PDE1B: variants seen among roughly 807,000 people sequenced by gnomAD.
PDE1B encodes phosphodiesterase 1B, also known as dual specificity calcium/calmodulin-dependent 3',5'-cyclic nucleotide phosphodiesterase 1B.
PDE1B carries 13 observed loss-of-function variants against 66.7 expected under a neutral mutation model. The observed-to-expected ratio is 0.19, with a 90% confidence interval of 0.13 to 0.31. PDE1B has a LOEUF of 0.31. Ranked by LOEUF, PDE1B falls within the 10% of genes least tolerant of loss-of-function variation. PDE1B has a pLI of 1.00. For synonymous variants in PDE1B, 230 were observed against 253.9 expected (o/e 0.91, Z 0.90); for missense variants, 485 against 682.3 (o/e 0.71, Z 3.22).
chr12:54,553,132 T>A (rs1384398260), intron 2 of PDE1B, among the ~76,000 whole-genome samples: 2 of 151,594 alleles, frequency 1.3e-5, no homozygotes, highest in African/African-American at 4.9e-5. Context: ...TCAAGTGGTG[T>A]AGAGAGGCAG....
intron 15 of PDE1B, 200 bp from the exon 16 acceptor site, chr12:54,577,660 G>A: frequency 9.2e-7 from 1 of 1,089,582 alleles, no homozygotes; most frequent in Non-Finnish European, 1.3e-6. Context: ...AGCCCAGCCA[G>A]GGCACACAGC....
In PDE1B at chr12:54,569,771, C is replaced by T. The variant is rs536803262; in HGVS notation, c.477+159C>T. Among the ~76,000 whole-genome samples the T allele has an allele frequency of 2.0e-4, 30 of 151,286 alleles. No homozygotes were observed. The highest frequency in any genetic ancestry group is 5.9e-4 in the East Asian group (3 of 5,112). The stretch of plus-strand genomic sequence containing the variant: ...AGGCTGGAGTGCAGTGGCGTGATCT[C>T]GTCTCACTGCAACCTCTGCCTCCCT... On this transcript the variant is annotated intron_variant, in intron 5 of 15. Coordinates refer to ENST00000243052, the MANE Select transcript of PDE1B (RefSeq NM_000924.4). The surrounding 1 kb of genome is among the most constrained non-coding windows in gnomAD (Gnocchi z 4.4).
rs1957721966 is a variant in PDE1B, at chr12:54,575,511, G to A, written c.1186-40G>A. On this transcript the variant is annotated intron_variant, in intron 11 of 15. Coordinates refer to ENST00000243052, the MANE Select transcript of PDE1B (RefSeq NM_000924.4). The surrounding 1 kb of genome is among the most constrained non-coding windows in gnomAD (Gnocchi z 4.0). ...TGTACCCCAGATCTGGTAGGTCTGA[G>A]GTATCCTCTCCAGCTTTCCTACCCT... 1.4e-6 allele frequency: 2 copies of A among 1,439,876 alleles called. No homozygotes were observed. Among genetic ancestry groups the A allele is most frequent in the African/African-American group, 2.8e-5 (2 of 71,460 alleles). The allele number at this position is 1,439,876 out of a possible 1,614,324, so 89.2% of individuals were successfully genotyped here.
chr12:54,563,568 A>T (rs1957459600), intron 2 of PDE1B, among the ~76,000 whole-genome samples: 5 of 152,184 alleles, frequency 3.3e-5, no homozygotes, highest in Admixed American at 3.3e-4. Context: ...CTCCATCTGG[A>T]CTTGGGAGAG....
rs1957581360 is a variant in PDE1B at position 54,569,635 on chromosome 12, A to G, written c.477+23A>G. 7.0e-6 allele frequency: 11 copies of G among 1,564,980 alleles called. No individual in the cohort carries two copies. The highest frequency in any genetic ancestry group is 9.7e-6 in the Non-Finnish European group (11 of 1,135,386). The stretch of plus-strand genomic sequence containing the variant: ...AAGGTAATCTCTGGGTTTTTGGGAA[A>G]GAGGAGAAAGTTAGGGGATGGAATA... On this transcript the variant is annotated intron_variant, in intron 5 of 15. Coordinates refer to ENST00000243052, the MANE Select transcript of PDE1B (RefSeq NM_000924.4). The surrounding 1 kb of genome is among the most constrained non-coding windows in gnomAD (Gnocchi z 4.4).
chr12:54,577,872 T>C lies in PDE1B; in HGVS notation c.*30T>C, dbSNP rs1389523448. The C allele has an allele frequency of 8.1e-6, 2 of 246,920 alleles. No homozygotes were observed. The highest frequency in any genetic ancestry group is 1.5e-5 in the Non-Finnish European group (2 of 129,744). The allele number at this position is 246,920 out of a possible 1,614,324, so 15.3% of individuals were successfully genotyped here. A position where few individuals can be genotyped will look rare whatever the true frequency, so the allele number is the denominator to read the frequency against. ...CCTCTTTCCCCAGGTCTTCATTGAGTCCAAAGTGTTTGATGTCATCAGCAC... is the reference window on the plus strand; with the variant it reads ...CCTCTTTCCCCAGGTCTTCATTGAGCCCAAAGTGTTTGATGTCATCAGCAC... On this transcript the variant is annotated 3_prime_UTR_variant, in exon 16 of 16. Coordinates refer to ENST00000243052, the MANE Select transcript of PDE1B (RefSeq NM_000924.4).
intron 3 of PDE1B, among the ~76,000 whole-genome samples, chr12:54,568,941 C>T (rs1042447760): frequency 6.6e-6 from 1 of 152,172 alleles, no homozygotes; most frequent in African/African-American, 2.4e-5. Flanking sequence ...CTGAAAGATG[C>T]GTTCCATTTC....
chr12:54,574,617 A>AC (rs1295658287), intron 10 of PDE1B: 1 of 152,964 alleles, frequency 6.5e-6, no homozygotes, highest in Non-Finnish European at 1.5e-5. Context: ...TGCTACCTAA[A>AC]CATATATAAG....
At chr12:54,564,948 T>C (rs1957487938) in intron 2 of PDE1B, among the ~76,000 whole-genome samples, 1 of 152,196 alleles carries the variant, frequency 6.6e-6, no homozygotes, top group African/African-American at 2.4e-5. Context: ...TAAATGGAAA[T>C]GGCAATTCCT....
chr12:54,572,849 G>A, intron 7 of PDE1B, 108 bp downstream of exon 7: 1 of 1,141,140 alleles, frequency 8.8e-7, no homozygotes, highest in Admixed American at 2.0e-5. Flanking sequence ...TTCTTCTTGG[G>A]CACTCCAAAG....
At chr12:54,553,645 G>A (rs1052084813) in intron 2 of PDE1B, among the ~76,000 whole-genome samples, 2 of 152,202 alleles carry the variant, frequency 1.3e-5, no homozygotes, top group Non-Finnish European at 2.9e-5. Context: ...TTCTGTCTCT[G>A]GTTCTGTGGT....
chr12:54,561,151 C>T (rs182940949), intron 2 of PDE1B, among the ~76,000 whole-genome samples: 1 of 152,218 alleles, frequency 6.6e-6, no homozygotes, highest in African/African-American at 2.4e-5. Flanking sequence ...GGGCCCCTTC[C>T]CCTCCCGCTA....
Position 54,573,178 on chromosome 12 carries a change from A to C in PDE1B, c.766A>C (p.Ile256Leu), listed in dbSNP as rs1957648609. ...HCLSEIELLA[I>L]IFAAAIHDYE... ...CCTGTCGGAGATTGAGCTCCTGGCCATCATCTTTGCTGCAGCTATCCATGA... is the reference window on the plus strand; with the variant it reads ...CCTGTCGGAGATTGAGCTCCTGGCCCTCATCTTTGCTGCAGCTATCCATGA... Residue 256 changes from isoleucine (I) to leucine (L), a missense_variant, in exon 8 of 16, where the codon ATC becomes CTC. By Grantham distance (5) the Ile-to-Leu change is conservative. Coordinates refer to ENST00000243052, the MANE Select transcript of PDE1B (RefSeq NM_000924.4). The surrounding 1 kb of genome is among the most constrained non-coding windows in gnomAD (Gnocchi z 5.2). 2.5e-6 allele frequency: 4 copies of C among 1,614,056 alleles called. No homozygotes were observed. Among genetic ancestry groups the C allele is most frequent in the Middle Eastern group, 3.3e-4 (2 of 6,062 alleles).
At chr12:54,550,311 C>G in intron 2 of PDE1B, 1 of 1,028,806 alleles carries the variant, frequency 9.7e-7, no homozygotes, top group East Asian at 4.8e-5. Flanking sequence ...GTAGAGGTGC[C>G]AGGCTGACTC....
intron 2 of PDE1B, among the ~76,000 whole-genome samples, chr12:54,560,136 C>T (rs1957386954): frequency 6.6e-6 from 1 of 152,160 alleles, no homozygotes; most frequent in East Asian, 1.9e-4. Flanking sequence ...AGAGAACAGC[C>T]TTAAGATATT....
chr12:54,568,467 T>TACACACACACACAC (rs56360853), intron 3 of PDE1B, among the ~76,000 whole-genome samples: 182 of 143,480 alleles, frequency 1.3e-3, no homozygotes, highest in African/African-American at 3.9e-3. Context: ...TGTCTAAAAA[T>TACACACACACACAC]ACACACACAC....
At position 54,575,107 on chromosome 12, in the gene PDE1B, G is replaced by A; in HGVS notation, c.1074G>A (p.Lys358=). The change falls in exon 11 of 16, where the codon AAG becomes AAA. Residue 358 remains lysine, a synonymous_variant. Coordinates refer to ENST00000243052, the MANE Select transcript of PDE1B (RefSeq NM_000924.4). This position sits in a 1 kb window ranked among gnomAD's most constrained non-coding sequence, Gnocchi z 4.0. ...TALQQLERID[K]PKALSLLLHA... ...CATCTGCCCCAACCAGGATTGACAA[G>A]CCCAAGGCCCTGTCTCTACTGCTCC... 3 of 1,613,524 alleles carry A rather than the reference G, an allele frequency of 1.9e-6. No homozygotes were observed. The highest frequency in any genetic ancestry group is 2.5e-6 in the Non-Finnish European group (3 of 1,179,740).
intron 6 of PDE1B, 112 bp downstream of exon 6, chr12:54,570,469 AT>A (rs1957596831): frequency 1.4e-6 from 1 of 726,108 alleles, no homozygotes; most frequent in African/African-American, 1.7e-5. Context: ...CAGTCTCAAC[AT>A]CAGGGAAGTC....
At chr12:54,577,569 C>T in intron 15 of PDE1B, 1 of 1,522,118 alleles carries the variant, frequency 6.6e-7, no homozygotes, top group South Asian at 1.3e-5. Context: ...GGTACCTTCT[C>T]AGAACAGCAG....
Sources: gnomAD v4.1 joint callset for allele counts (sites outside exome capture counted in the v4.1 genomes callset) on GRCh38, gnomAD v4.1.1 for gene constraint, Gnocchi (gnomAD v3.1) non-coding constraint, MANE v1.5 for transcripts, NCBI Gene and HGNC (gene_info 2026-07-23, HGNC 2026-07-21) for gene names.